GALNTL6: variants seen among roughly 807,000 people sequenced by gnomAD.
The protein encoded by GALNTL6 is polypeptide N-acetylgalactosaminyltransferase-like 6.
A neutral mutation model predicts 73.7 loss-of-function variants in GALNTL6; 46 were observed. The observed-to-expected ratio is 0.62, with a 90% confidence interval of 0.49 to 0.80. The LOEUF (loss-of-function observed/expected upper bound fraction) is 0.80, where lower values mean the gene tolerates loss of function less well. Ranked by LOEUF, GALNTL6 falls within the 30% of genes least tolerant of loss-of-function variation. GALNTL6 has a pLI of 0.00. For missense variants in GALNTL6, 604 were observed against 755.0 expected (o/e 0.80, Z 2.34); for synonymous variants, 259 against 263.7 (o/e 0.98, Z 0.17).
At chr4:172,912,054 T>C (rs1322609772) in intron 8 of GALNTL6, among the ~76,000 whole-genome samples, 1 of 152,192 alleles carries the variant, frequency 6.6e-6, no homozygotes, top group African/African-American at 2.4e-5. Flanking sequence ...ATCATGCTAA[T>C]GCTTCTAACA....
chr4:172,724,892 G>A (rs1357989453), intron 5 of GALNTL6, among the ~76,000 whole-genome samples: 1 of 152,170 alleles, frequency 6.6e-6, no homozygotes, highest in African/African-American at 2.4e-5. Flanking sequence ...AGAAGAGCAA[G>A]AAAGGAGCTT....
intron 2 of GALNTL6, among the ~76,000 whole-genome samples, chr4:171,828,966 C>T (rs1734895528): frequency 6.6e-6 from 1 of 152,054 alleles, no homozygotes. Context: ...ATTTTATTTT[C>T]TCTAGCTTAC....
chr4:172,571,788 T>C (rs1011683680), intron 5 of GALNTL6, among the ~76,000 whole-genome samples: 2 of 152,234 alleles, frequency 1.3e-5, no homozygotes, highest in Non-Finnish European at 2.9e-5. Context: ...CAGTTCTCTA[T>C]GGTTTCTAAT....
At chr4:172,412,458 G>A (rs1744478532) in intron 5 of GALNTL6, among the ~76,000 whole-genome samples, 1 of 152,130 alleles carries the variant, frequency 6.6e-6, no homozygotes, top group South Asian at 2.1e-4. Context: ...CCAGGAGCAG[G>A]GCTGTGTATC....
At chr4:172,047,081 T>C (rs1273008878) in intron 2 of GALNTL6, among the ~76,000 whole-genome samples, 7 of 152,166 alleles carry the variant, frequency 4.6e-5, no homozygotes, top group Non-Finnish European at 1.0e-4. Context: ...GATTGGTTAT[T>C]GAAACAAACT....
chr4:172,216,073 T>G (rs1446857360), intron 2 of GALNTL6, among the ~76,000 whole-genome samples: 1 of 152,190 alleles, frequency 6.6e-6, no homozygotes, highest in African/African-American at 2.4e-5. Flanking sequence ...CCATTATTTC[T>G]TAGGTTAATT....
At chr4:172,714,760 G>A (rs1426236139) in intron 5 of GALNTL6, among the ~76,000 whole-genome samples, 1 of 152,094 alleles carries the variant, frequency 6.6e-6, no homozygotes, top group African/African-American at 2.4e-5. Context: ...AGGATAAATT[G>A]AGAGGAGTGT....
At chr4:172,730,929 A>T (rs2111388411) in intron 5 of GALNTL6, among the ~76,000 whole-genome samples, 1 of 152,152 alleles carries the variant, frequency 6.6e-6, no homozygotes, top group South Asian at 2.1e-4. Flanking sequence ...AAATACAAAA[A>T]TTTAGCCAGG....
chr4:172,451,234 C>T (rs894537849), intron 5 of GALNTL6, among the ~76,000 whole-genome samples: 2 of 152,168 alleles, frequency 1.3e-5, no homozygotes, highest in South Asian at 2.1e-4. Context: ...GAGATGTACA[C>T]AGAGCACATG....
chr4:172,469,600 A>G (rs1212334003), intron 5 of GALNTL6, among the ~76,000 whole-genome samples: 1 of 152,082 alleles, frequency 6.6e-6, no homozygotes, highest in Non-Finnish European at 1.5e-5. Flanking sequence ...ACTCCAGTGC[A>G]CTCTGGTCAG....
intron 2 of GALNTL6, among the ~76,000 whole-genome samples, chr4:172,047,495 GC>G (rs1244306497): frequency 6.6e-6 from 1 of 151,988 alleles, no homozygotes; most frequent in Admixed American, 6.6e-5. Flanking sequence ...TGAGAACAAA[GC>G]AATGTACCAG....
chr4:172,415,329 G>T (rs1730782743), intron 5 of GALNTL6, among the ~76,000 whole-genome samples: 1 of 152,104 alleles, frequency 6.6e-6, no homozygotes, highest in South Asian at 2.1e-4. Context: ...AATCTCAGTG[G>T]CCAGTAGCTT....
At position 172,870,496 on chromosome 4, in the gene GALNTL6, A is replaced by G. The variant is rs544427767; in HGVS notation, c.924-12294A>G. ...ATCCGTTTCTTCTGTATTTTACAAC[A>G]CAAGACTATTTCAGGTAATAGCCTT... On this transcript the variant is annotated intron_variant, in intron 7 of 12. Transcript: ENST00000506823. Among the ~76,000 whole-genome samples the G allele has an allele frequency of 1.2e-4, 18 of 152,342 alleles. No homozygotes were observed. The East Asian group carries it at 3.5e-3, about 29-fold the overall frequency.
rs1242186555 is a variant in GALNTL6 at position 173,040,273 on chromosome 4, A to T, written c.*173A>T. 2 of 538,866 alleles carry T rather than the reference A, an allele frequency of 3.7e-6. No homozygotes were observed. Among genetic ancestry groups the T allele is most frequent in the African/African-American group, 2.0e-5 (1 of 51,094 alleles). 33.4% of individuals were successfully genotyped at this position (538,866 alleles called of 1,614,324 possible). On this transcript the variant is annotated 3_prime_UTR_variant, in exon 13 of 13. Coordinates refer to ENST00000506823, the MANE Select transcript of GALNTL6 (RefSeq NM_001034845.3). ...TTGAAGAACTTCCTGCATCTGAAGA[A>T]CTTGGCTGAGAATCTCACCAGCTGC...
At chr4:172,225,924 A>G (rs975876185) in intron 2 of GALNTL6, among the ~76,000 whole-genome samples, 1 of 152,150 alleles carries the variant, frequency 6.6e-6, no homozygotes, top group Non-Finnish European at 1.5e-5. Flanking sequence ...GCAGTTTCAG[A>G]TGGTCTGATT....
intron 3 of GALNTL6, among the ~76,000 whole-genome samples, chr4:172,297,777 A>G (rs1229106539): frequency 6.6e-6 from 1 of 152,184 alleles, no homozygotes; most frequent in Non-Finnish European, 1.5e-5. Flanking sequence ...GTTTGAAGTC[A>G]GGTGGCATGA....
intron 5 of GALNTL6, among the ~76,000 whole-genome samples, chr4:172,673,378 G>A (rs1052184698): frequency 6.6e-6 from 1 of 152,160 alleles, no homozygotes; most frequent in Non-Finnish European, 1.5e-5. Context: ...TGCTGAGAAT[G>A]TTTTACTTCT....
At chr4:172,270,171 C>CTGTGTG (rs758294136) in intron 3 of GALNTL6, among the ~76,000 whole-genome samples, 144 of 150,366 alleles carry the variant, frequency 9.6e-4, no homozygotes, top group African/African-American at 2.5e-3. Flanking sequence ...TCTCTGTCCA[C>CTGTGTG]TGTGTGTGTG....
At chr4:172,333,233 T>C (rs1245512669) in intron 4 of GALNTL6, among the ~76,000 whole-genome samples, 1 of 151,852 alleles carries the variant, frequency 6.6e-6, no homozygotes, top group Admixed American at 6.6e-5. Context: ...TGGAGAAACC[T>C]CCTCTCTACT....
Sources: gnomAD v4.1 joint callset for allele counts (sites outside exome capture counted in the v4.1 genomes callset) on GRCh38, gnomAD v4.1.1 for gene constraint, MANE v1.5 for transcripts, NCBI Gene and HGNC (gene_info 2026-07-23, HGNC 2026-07-21) for gene names.